STMN1: variants seen among roughly 807,000 people sequenced by gnomAD.
STMN1 encodes the protein stathmin 1.
In STMN1, 3 loss-of-function variants were observed where a neutral mutation model predicts 19.7. The ratio of observed to expected loss-of-function variants is 0.15; its 90% CI spans 0.07 to 0.39. The LOEUF (loss-of-function observed/expected upper bound fraction) is 0.39, where lower values mean the gene tolerates loss of function less well. Among genes scored for constraint, STMN1 ranks in the 10% least tolerant of loss-of-function variants. The pLI is 1.00. For missense variants in STMN1, 99 were observed against 176.0 expected, an observed-to-expected ratio of 0.56 and a Z score of 2.48; for synonymous variants, 59 against 58.9, an observed-to-expected ratio of 1.00 and a Z score of -0.01.
intron 3 of STMN1, chr1:25,903,350 C>A: frequency 3.2e-6 from 1 of 309,360 alleles, no homozygotes; most frequent in Non-Finnish European, 6.1e-6. Context: ...TGAATTCTGA[C>A]CCCAACACTT....
intron 4 of STMN1, among the ~76,000 whole-genome samples, chr1:25,888,659 G>A (rs536448802): frequency 6.6e-6 from 1 of 152,204 alleles, no homozygotes; most frequent in East Asian, 1.9e-4. Flanking sequence ...AGGTGTGGTG[G>A]CTCAAAAACA....
chr1:25,885,802 T>C (rs2048716096), exon 5 of STMN1: 9 of 1,551,360 alleles, frequency 5.8e-6, no homozygotes, highest in Non-Finnish European at 7.8e-6. Context: ...AGGAACAGAG[T>C]GGAGACAAGA....
rs560151782 is a variant in STMN1 at position 25,900,644 on chromosome 1, A to C, written c.*372T>G. 4 of 1,002,574 alleles carry C rather than the reference A, an allele frequency of 4.0e-6. No individual in the cohort carries two copies. The South Asian group carries it at 1.4e-4, about 34-fold the overall frequency. The allele number at this position is 1,002,574 out of a possible 1,614,324, so 62.1% of individuals were successfully genotyped here. ...GATTGGGACAGAATTGGGATTGAAA[A>C]GTGAACAGATATTCAGCATCTAACA... On this transcript the variant is annotated 3_prime_UTR_variant, in exon 5 of 5. Transcript: ENST00000455785.
chr1:25,892,431 A>C, intron 4 of STMN1: 2 of 340,964 alleles, frequency 5.9e-6, no homozygotes, highest in Non-Finnish European at 8.1e-6. Flanking sequence ...GCCTCTGCCT[A>C]GGAATTAAAA....
chr1:25,901,351 A>G, intron 4 of STMN1, 140 bp downstream of exon 4: 1 of 1,199,834 alleles, frequency 8.3e-7, no homozygotes. Flanking sequence ...ATCTTAAAAT[A>G]TACCTTTCAT....
At chr1:25,896,864 G>C (rs924748030), downstream of STMN1, among the ~76,000 whole-genome samples, 18 of 152,308 alleles carry the variant, frequency 1.2e-4, no homozygotes, top group Middle Eastern at 3.4e-3. Flanking sequence ...CCAGCAATGT[G>C]TCTGGGTCCT....
chr1:25,887,506 C>A, intron 4 of STMN1: 1 of 328,594 alleles, frequency 3.0e-6, no homozygotes, highest in Non-Finnish European at 6.0e-6. Flanking sequence ...AAGAGAAATA[C>A]ATAGGTGGGG....
chr1:25,890,471 A>G (rs1015642940), intron 4 of STMN1, among the ~76,000 whole-genome samples: 7 of 152,218 alleles, frequency 4.6e-5, no homozygotes, highest in Admixed American at 3.9e-4. Flanking sequence ...AATTTATCTT[A>G]AACAGGCTTG....
chr1:25,899,790 C>A (rs1272342609), downstream of STMN1, among the ~76,000 whole-genome samples: 1 of 152,060 alleles, frequency 6.6e-6, no homozygotes, highest in Admixed American at 6.6e-5. Context: ...ACCCCAATCT[C>A]AAGATACAGC....
At chr1:25,889,572 T>C (rs889289225) in intron 4 of STMN1, among the ~76,000 whole-genome samples, 7 of 152,100 alleles carry the variant, frequency 4.6e-5, no homozygotes, top group Non-Finnish European at 8.8e-5. Context: ...ATCTTCACCA[T>C]GACCTAGATC....
At chr1:25,904,907 G>A in intron 1 of STMN1, 169 bp from the exon 2 acceptor site, 7 of 445,668 alleles carry the variant, frequency 1.6e-5, no homozygotes, top group South Asian at 9.9e-5. Flanking sequence ...ATAAACATTG[G>A]GAAATATGAC....
At chr1:25,904,559 G>GT in intron 2 of STMN1, 105 bp downstream of exon 2, 1 of 1,004,042 alleles carries the variant, frequency 1.0e-6, no homozygotes, top group Non-Finnish European at 1.5e-6. Context: ...ATAGGTTTTG[G>GT]TAAGACCAAA....
intron 2 of STMN1, 97 bp from the exon 3 acceptor site, chr1:25,903,910 TA>T: frequency 2.3e-6 from 3 of 1,281,882 alleles, no homozygotes; most frequent in Non-Finnish European, 3.2e-6. Flanking sequence ...TTTAATGTAT[TA>T]AACTAGGGCT....
chr1:25,890,878 G>A (rs2048768174), intron 4 of STMN1, among the ~76,000 whole-genome samples: 1 of 152,084 alleles, frequency 6.6e-6, no homozygotes, highest in African/African-American at 2.4e-5. Context: ...GCCAGAATGG[G>A]ACCCCCGCCA....
chr1:25,888,977 C>T, intron 4 of STMN1: 1 of 471,258 alleles, frequency 2.1e-6, no homozygotes, highest in Admixed American at 2.5e-5. Flanking sequence ...GCCATGTCTT[C>T]TCACAAGACT....
downstream of STMN1, among the ~76,000 whole-genome samples, chr1:25,896,070 G>A (rs1243298549): frequency 6.6e-6 from 1 of 152,222 alleles, no homozygotes; most frequent in Admixed American, 6.5e-5. Flanking sequence ...TAGCTGGGGA[G>A]ACACTTGAAT....
chr1:25,901,505 G>A lies in STMN1; in HGVS notation c.364C>T (p.Arg122Cys). The A allele has an allele frequency of 6.2e-7, 1 of 1,607,166 alleles. No homozygotes were observed. Among genetic ancestry groups the A allele is most frequent in the Non-Finnish European group, 8.5e-7 (1 of 1,177,768 alleles). ...REAQMAAKLE[R>C]LREKDKHIEE... ...AAGAAACCAACCTTCTCTCGCAAAC[G>A]TTCCAGTTTGGCAGCCATTTGTGCC... is the stretch of plus-strand genomic sequence containing the variant. The change falls in exon 4 of 5, where the codon CGT (arginine) becomes TGT (cysteine). Residue 122 changes from arginine to cysteine, a missense_variant. Transcript: ENST00000455785.
chr1:25,889,129 C>A (rs1445630170), intron 4 of STMN1: 2 of 449,114 alleles, frequency 4.5e-6, no homozygotes, highest in African/African-American at 2.0e-5. Context: ...CATGAGATGG[C>A]ACACACATTT....
intron 4 of STMN1, 86 bp downstream of exon 4, chr1:25,901,405 C>CTT: frequency 6.9e-7 from 1 of 1,451,860 alleles, no homozygotes; most frequent in Non-Finnish European, 9.3e-7. Context: ...AGACACCAAA[C>CTT]ACCTTTTATC....
Sources: allele counts gnomAD v4.1 joint callset (sites outside exome capture counted in the v4.1 genomes callset), GRCh38; gene constraint gnomAD v4.1.1; transcripts MANE v1.5; gene names NCBI Gene and HGNC (gene_info 2026-07-23, HGNC 2026-07-21).